Variants in MAP3K20 observed in about 807,000 individuals in gnomAD.
The protein encoded by MAP3K20 is HCCS-4.
MAP3K20 carries 40 observed loss-of-function variants against 85.7 expected under a neutral mutation model. The ratio of observed to expected loss-of-function variants is 0.47; its 90% CI spans 0.36 to 0.61. The LOEUF (loss-of-function observed/expected upper bound fraction) is 0.61, where lower values mean the gene tolerates loss of function less well. MAP3K20 is among the 20% of genes least tolerant of loss of function. MAP3K20 has a pLI of 0.00. For missense variants in MAP3K20, 817 were observed against 961.7 expected (o/e 0.85, Z 1.99); for synonymous variants, 325 against 327.7 (o/e 0.99, Z 0.09).
intron 1 of MAP3K20, among the ~76,000 whole-genome samples, chr2:173,080,172 A>G (rs1686975690): frequency 6.6e-6 from 1 of 152,240 alleles, no homozygotes; most frequent in African/African-American, 2.4e-5. Flanking sequence ...GATCGCTGTT[A>G]TATATGCAGT....
chr2:173,259,473 A>G (rs1243190266), intron 17 of MAP3K20, among the ~76,000 whole-genome samples: 9 of 152,368 alleles, frequency 5.9e-5, no homozygotes, highest in Middle Eastern at 6.8e-3. Flanking sequence ...TAGAAGGTCA[A>G]CAACTTCAGG....
Position 173,266,879 on chromosome 2 carries a change from G to A in MAP3K20, c.*129G>A, listed in dbSNP as rs1180210481. The A allele has an allele frequency of 3.1e-6, 3 of 971,256 alleles. No individual in the cohort carries two copies. Among genetic ancestry groups the A allele is most frequent in the African/African-American group, 3.3e-5 (2 of 60,488 alleles). 60.2% of individuals were successfully genotyped at this position (971,256 alleles called of 1,614,324 possible). On this transcript the variant is annotated 3_prime_UTR_variant, in exon 20 of 20. Coordinates refer to ENST00000375213, the MANE Select transcript of MAP3K20 (RefSeq NM_016653.3). Reference sequence around the variant, plus strand: ...ACAACACTTCCAGTTTTTGGATTGGGAAATACCTTCTAATTGAGACTATAG... The same window carrying A: ...ACAACACTTCCAGTTTTTGGATTGGAAAATACCTTCTAATTGAGACTATAG...
chr2:173,082,268 A>G (rs1487567019), intron 1 of MAP3K20, among the ~76,000 whole-genome samples: 1 of 152,180 alleles, frequency 6.6e-6, no homozygotes, highest in African/African-American at 2.4e-5. Context: ...TTGGCCTCCC[A>G]AAGAACCAGA....
Position 173,138,536 on chromosome 2 carries a change from A to G in MAP3K20, c.160-31269A>G, listed in dbSNP as rs1257697332. On this transcript the variant is annotated intron_variant, in intron 2 of 19. Coordinates refer to ENST00000375213, the MANE Select transcript of MAP3K20 (RefSeq NM_016653.3). Reference sequence around the variant, plus strand: ...TCTTAGAAATCGAATACAATACACAAACTGAAATTTTAATAGCTATTTTAG... The same window carrying G: ...TCTTAGAAATCGAATACAATACACAGACTGAAATTTTAATAGCTATTTTAG... Among the ~76,000 whole-genome samples the G allele has an allele frequency of 2.0e-5, 3 of 152,170 alleles. No homozygotes were observed. The East Asian group carries it at 5.8e-4, about 29-fold the overall frequency.
At chr2:173,115,818 C>T (rs1380425046) in intron 2 of MAP3K20, among the ~76,000 whole-genome samples, 2 of 151,980 alleles carry the variant, frequency 1.3e-5, no homozygotes, top group Non-Finnish European at 2.9e-5. Context: ...GTGGAGGTGG[C>T]GGGGGATGCA....
intron 11 of MAP3K20, chr2:173,222,578 T>A (rs1427496526): frequency 6.1e-6 from 6 of 985,336 alleles, no homozygotes; most frequent in Non-Finnish European, 6.0e-6. Context: ...GCAAGTGGGG[T>A]ATGTGTGGTG....
At chr2:173,128,312 C>CTTATTTATTTAT (rs59187122) in intron 2 of MAP3K20, among the ~76,000 whole-genome samples, 2,452 of 145,912 alleles carry the variant, frequency 0.017, 50 homozygotes, top group African/African-American at 0.042. Context: ...TTATAGTTGA[C>CTTATTTATTTAT]TTATTTATTT....
chr2:173,207,565 G>GTTGAACAGTT (rs1357053104), intron 9 of MAP3K20: 6 of 152,212 alleles, frequency 3.9e-5, no homozygotes, highest in African/African-American at 7.2e-5. Context: ...GATAAAAGAT[G>GTTGAACAGTT]TTGAACAGTT....
intron 16 of MAP3K20, among the ~76,000 whole-genome samples, chr2:173,241,142 A>G (rs532082113): frequency 2.0e-5 from 3 of 152,316 alleles, no homozygotes; most frequent in Non-Finnish European, 2.9e-5. Context: ...GAAAACATAG[A>G]CAGAATGAAT....
chr2:173,115,744 C>T (rs576583274), intron 2 of MAP3K20, among the ~76,000 whole-genome samples: 220 of 152,264 alleles, frequency 1.4e-3, no homozygotes, highest in African/African-American at 5.2e-3. Context: ...GGGTTGTCTG[C>T]ACAGAGTCCT....
intron 7 of MAP3K20, among the ~76,000 whole-genome samples, chr2:173,191,872 AT>A (rs1204968747): frequency 1.3e-5 from 2 of 152,190 alleles, no homozygotes; most frequent in African/African-American, 4.8e-5. Flanking sequence ...TGGAGGAGGA[AT>A]TTGGAGATGG....
At chr2:173,184,619 G>T (rs762627728) in intron 4 of MAP3K20, among the ~76,000 whole-genome samples, 9 of 152,196 alleles carry the variant, frequency 5.9e-5, no homozygotes, top group Non-Finnish European at 1.3e-4. Flanking sequence ...GAATTAGGTA[G>T]CAAACTGGGC....
chr2:173,202,557 G>C (rs554656213), intron 8 of MAP3K20, among the ~76,000 whole-genome samples: 1 of 152,114 alleles, frequency 6.6e-6, no homozygotes, highest in African/African-American at 2.4e-5. Context: ...ACTCCCTTGA[G>C]GTGAAATTCA....
intron 3 of MAP3K20, among the ~76,000 whole-genome samples, chr2:173,173,650 T>C (rs192007055): frequency 0.013 from 1,972 of 152,350 alleles, 23 homozygotes; most frequent in Middle Eastern, 0.024. Context: ...TGCTAGTCTT[T>C]TTTTATTAGT....
intron 8 of MAP3K20, among the ~76,000 whole-genome samples, chr2:173,201,283 T>C (rs923988020): frequency 2.0e-5 from 3 of 152,194 alleles, no homozygotes; most frequent in Non-Finnish European, 4.4e-5. Flanking sequence ...TGAACCTTTA[T>C]AGAAGGCATG....
intron 14 of MAP3K20, 90 bp downstream of exon 14, chr2:173,232,549 G>C (rs1446680484): frequency 6.5e-7 from 1 of 1,548,370 alleles, no homozygotes; most frequent in Non-Finnish European, 8.7e-7. Context: ...TGTTGCCCAG[G>C]CTGGAGTGCA....
At chr2:173,143,291 TAACA>T (rs2106216529) in intron 2 of MAP3K20, among the ~76,000 whole-genome samples, 1 of 152,276 alleles carries the variant, frequency 6.6e-6, no homozygotes, top group South Asian at 2.1e-4. Context: ...TTAAAAGATA[TAACA>T]ATCATAAATG....
In MAP3K20 at chr2:173,226,124, T is replaced by C. The variant is rs143224276; in HGVS notation, c.988-3565T>C. 1,671 of 984,668 alleles carry C rather than the reference T, an allele frequency of 1.7e-3. 21 individuals carry two copies. The African/African-American group carries it at 0.027, about 16-fold the overall frequency. 61.0% of individuals were successfully genotyped at this position (984,668 alleles called of 1,614,324 possible). On this transcript the variant is annotated intron_variant, in intron 11 of 19. Transcript: ENST00000375213. The stretch of plus-strand genomic sequence containing the variant: ...AGTGATTTTTAACGTGCAGTGAATT[T>C]GTTAGACTTTTAAACACCAGCTAAG...
rs1691055657 is a variant in MAP3K20, at chr2:173,201,388, G to A, written c.670-2408G>A. On this transcript the variant is annotated intron_variant, in intron 8 of 19. Transcript: ENST00000375213. ...ATGGTACTCAATCAGTGATCATTCA[G>A]AATGTTCTGGTAGCATAATTTCTAT... 2.0e-5 allele frequency among the ~76,000 whole-genome samples: 3 copies of A among 152,258 alleles called. No homozygotes were observed. In the South Asian group the frequency reaches 6.2e-4, roughly 32 times the overall value.
Sources: allele counts gnomAD v4.1 joint callset (sites outside exome capture counted in the v4.1 genomes callset), GRCh38; gene constraint gnomAD v4.1.1; transcripts MANE v1.5; gene names NCBI Gene and HGNC (gene_info 2026-07-23, HGNC 2026-07-21).